The following NRXN1 variants were observed in gnomAD, a reference collection of about 807,000 sequenced individuals.
The protein encoded by NRXN1 is neurexin-1.
In NRXN1, 39 loss-of-function variants were observed where a neutral mutation model predicts 150.9. The observed-to-expected ratio is 0.26, with a 90% CI of 0.20 to 0.34. NRXN1 has a LOEUF of 0.34. Among genes scored for constraint, NRXN1 ranks in the 10% least tolerant of loss-of-function variants. The probability of loss-of-function intolerance (pLI) is 1.00; values close to 1 mark genes in which losing one functional copy is unlikely to be tolerated. For missense variants in NRXN1, 1,815 were observed against 1,949.9 expected (o/e 0.93, Z 1.30); for synonymous variants, 924 against 757.0 (o/e 1.22, Z -3.62).
At chr2:50,810,222 T>C (rs1410011914) in intron 5 of NRXN1, among the ~76,000 whole-genome samples, 1 of 152,190 alleles carries the variant, frequency 6.6e-6, no homozygotes, top group Non-Finnish European at 1.5e-5. Flanking sequence ...GGTAAAGGTG[T>C]TGCTTTGATT....
At chr2:50,068,331 C>T (rs957198269) in intron 19 of NRXN1, among the ~76,000 whole-genome samples, 3 of 152,096 alleles carry the variant, frequency 2.0e-5, no homozygotes, top group Admixed American at 6.6e-5. Flanking sequence ...AGTAAAATAA[C>T]CATTTTTTTC....
chr2:50,047,030 A>G (rs1340846044), intron 21 of NRXN1, among the ~76,000 whole-genome samples: 2 of 152,166 alleles, frequency 1.3e-5, no homozygotes, highest in Admixed American at 1.3e-4. Flanking sequence ...ATGTATATGG[A>G]TGCATTAAGG....
intron 17 of NRXN1, among the ~76,000 whole-genome samples, chr2:50,326,404 C>G (rs2076386007): frequency 6.6e-6 from 1 of 152,054 alleles, no homozygotes; most frequent in East Asian, 1.9e-4. Context: ...AAGACTTAGC[C>G]CATGTAAAAG....
At chr2:50,219,692 A>G (rs562376469) in intron 18 of NRXN1, among the ~76,000 whole-genome samples, 1 of 150,552 alleles carries the variant, frequency 6.6e-6, no homozygotes, top group Admixed American at 6.7e-5. Flanking sequence ...TTAGAGACCA[A>G]CCTGGGCAAC....
intron 18 of NRXN1, among the ~76,000 whole-genome samples, chr2:50,191,198 G>GTTTT (rs199985011): frequency 1.0e-4 from 12 of 117,518 alleles, no homozygotes; most frequent in East Asian, 2.7e-4. Context: ...TCAGCTAATT[G>GTTTT]TTTTTTGTTT....
chr2:50,292,461 A>G (rs773608231), intron 17 of NRXN1, among the ~76,000 whole-genome samples: 1 of 152,178 alleles, frequency 6.6e-6, no homozygotes, highest in African/African-American at 2.4e-5. Flanking sequence ...ATGCATTACT[A>G]TCAACTTAAA....
intron 22 of NRXN1, among the ~76,000 whole-genome samples, chr2:49,933,620 T>TTA (rs1266637485): frequency 0.067 from 12 of 180 alleles, no homozygotes; most frequent in African/African-American, 0.18. Context: ...TAACATTCCT[T>TTA]TATCAGAAAC....
intron 8 of NRXN1, among the ~76,000 whole-genome samples, chr2:50,588,534 G>A (rs906801516): frequency 1.3e-5 from 2 of 152,150 alleles, no homozygotes; most frequent in African/African-American, 4.8e-5. Flanking sequence ...TGAAAAATTT[G>A]TAATGGTAAA....
chr2:50,927,446 T>G (rs1433546722), intron 2 of NRXN1, among the ~76,000 whole-genome samples: 1 of 152,020 alleles, frequency 6.6e-6, no homozygotes, highest in Admixed American at 6.6e-5. Flanking sequence ...TTCAAATATT[T>G]GGTCTGTGAT....
chr2:50,847,527 C>T (rs1673841611), intron 5 of NRXN1, among the ~76,000 whole-genome samples: 1 of 152,086 alleles, frequency 6.6e-6, no homozygotes, highest in South Asian at 2.1e-4. Context: ...AGGGCTCCAC[C>T]CCCACGGACC....
rs1471968757 is a variant in NRXN1 at position 50,639,703 on chromosome 2, T to A, written c.833-16088A>T. Among the ~76,000 whole-genome samples, 6 of 152,250 alleles carry A rather than the reference T, an allele frequency of 3.9e-5. No homozygotes were observed. The East Asian group carries it at 9.7e-4, about 25-fold the overall frequency. On this transcript the variant is annotated intron_variant, in intron 5 of 22. Transcript: ENST00000401669. ...AACTCCTTGAGAAAATATATAAAAT[T>A]ATACCTTCATAACTTTCATATAATC...
intron 18 of NRXN1, among the ~76,000 whole-genome samples, chr2:50,213,700 T>C (rs2063190851): frequency 8.8e-6 from 1 of 113,892 alleles, no homozygotes; most frequent in Non-Finnish European, 1.9e-5. Context: ...CATTAGCTAG[T>C]GGTTCAAAGA....
intron 17 of NRXN1, among the ~76,000 whole-genome samples, chr2:50,380,806 C>G (rs907257735): frequency 2.0e-5 from 3 of 152,098 alleles, no homozygotes; most frequent in African/African-American, 7.2e-5. Context: ...CTAAGAAAGG[C>G]TATTTTCTAC....
chr2:51,008,230 G>C (rs1320451427), intron 2 of NRXN1, among the ~76,000 whole-genome samples: 1 of 151,866 alleles, frequency 6.6e-6, no homozygotes, highest in East Asian at 1.9e-4. Flanking sequence ...AAACAAAGAA[G>C]AGAGTCAGAG....
At chr2:50,969,854 T>C (rs932038100) in intron 2 of NRXN1, among the ~76,000 whole-genome samples, 2 of 152,168 alleles carry the variant, frequency 1.3e-5, no homozygotes, top group African/African-American at 4.8e-5. Flanking sequence ...AATATGTATA[T>C]ATGGGAGCCT....
chr2:50,579,416 T>G (rs2103625757), intron 8 of NRXN1, among the ~76,000 whole-genome samples: 1 of 152,334 alleles, frequency 6.6e-6, no homozygotes, highest in South Asian at 2.1e-4. Flanking sequence ...ATCCTGGTAC[T>G]TCGGAAGGCC....
chr2:50,274,793 C>A (rs75860525), intron 17 of NRXN1, among the ~76,000 whole-genome samples: 1,582 of 149,794 alleles, frequency 0.011, 24 homozygotes, highest in African/African-American at 0.036. Flanking sequence ...TAAAAAAAAA[C>A]CCATAAAAAT....
rs141453576 is a variant in NRXN1 at position 50,634,010 on chromosome 2, G to T, written c.833-10395C>A. 1.8e-3 allele frequency among the ~76,000 whole-genome samples: 281 copies of T among 152,234 alleles called. 2 individuals carry two copies. In the Middle Eastern group the frequency reaches 0.02, roughly 11 times the overall value. On this transcript the variant is annotated intron_variant, in intron 5 of 22. Transcript: ENST00000401669. ...GGAAGATCTGGACAAAGAATAGAAA[G>T]AATAGGAAAAAATCCAGTGAGCATT... is the stretch of plus-strand genomic sequence containing the variant.
chr2:50,717,747 G>A (rs1421530933), intron 5 of NRXN1, among the ~76,000 whole-genome samples: 1 of 152,140 alleles, frequency 6.6e-6, no homozygotes, highest in Non-Finnish European at 1.5e-5. Flanking sequence ...CACATCTGGT[G>A]AAGGCCCACT....
Sources: gnomAD v4.1 joint callset for allele counts (sites outside exome capture counted in the v4.1 genomes callset) on GRCh38, gnomAD v4.1.1 for gene constraint, MANE v1.5 for transcripts, NCBI Gene and HGNC (gene_info 2026-07-23, HGNC 2026-07-21) for gene names.